Variants in PBK observed in about 807,000 individuals in gnomAD.
PBK encodes PDZ binding kinase.
PBK carries 22 observed loss-of-function variants against 33.5 expected under a neutral mutation model. The observed-to-expected ratio is 0.66, with a 90% CI of 0.47 to 0.94. PBK has a LOEUF of 0.94. PBK is among the 40% of genes least tolerant of loss of function. The pLI, the probability that PBK is intolerant of heterozygous loss-of-function variation, is 0.00. For missense variants in PBK, 376 were observed against 383.4 expected (o/e 0.98, Z 0.16); for synonymous variants, 129 against 123.8 (o/e 1.04, Z -0.28).
At chr8:27,829,094 G>A (rs922856024) in intron 2 of PBK, among the ~76,000 whole-genome samples, 2 of 38,830 alleles carry the variant, frequency 5.2e-5, no homozygotes, top group Admixed American at 4.2e-4. Flanking sequence ...AATTTGTGGA[G>A]CAGAGAACTA....
chr8:27,832,418 A>G (rs1806147652), intron 2 of PBK, among the ~76,000 whole-genome samples: 1 of 152,204 alleles, frequency 6.6e-6, no homozygotes, highest in Admixed American at 6.5e-5. Context: ...AAAAAAAGTA[A>G]AAGAAACAAA....
At chr8:27,826,078 G>C (rs954132328) in intron 3 of PBK, among the ~76,000 whole-genome samples, 9 of 152,152 alleles carry the variant, frequency 5.9e-5, no homozygotes, top group Admixed American at 4.6e-4. Flanking sequence ...CAGGACAGTG[G>C]GGGGGACAGA....
intron 1 of PBK, among the ~76,000 whole-genome samples, chr8:27,836,377 G>T (rs1221000491): frequency 2.0e-5 from 3 of 151,918 alleles, no homozygotes; most frequent in Admixed American, 6.6e-5. Flanking sequence ...CAAGATTTCA[G>T]CTTGTACTGA....
intron 6 of PBK, among the ~76,000 whole-genome samples, chr8:27,820,363 T>TAATA (rs762700770): frequency 5.3e-5 from 8 of 152,114 alleles, no homozygotes; most frequent in Non-Finnish European, 1.0e-4. Flanking sequence ...ATACTACTAC[T>TAATA]AATAATAATA....
chr8:27,822,234 T>C (rs1446019069), intron 5 of PBK, 85 bp downstream of exon 5: 9 of 1,017,416 alleles, frequency 8.8e-6, no homozygotes, highest in Non-Finnish European at 1.3e-5. Context: ...CCATCCACAT[T>C]CAAAGATGTC....
intron 2 of PBK, among the ~76,000 whole-genome samples, chr8:27,831,100 T>G (rs1806120885): frequency 6.6e-6 from 1 of 152,172 alleles, no homozygotes; most frequent in African/African-American, 2.4e-5. Flanking sequence ...GAATGTTGCA[T>G]GCACTTGAAA....
At chr8:27,826,262 C>T (rs1161065211) in intron 3 of PBK, among the ~76,000 whole-genome samples, 1 of 152,056 alleles carries the variant, frequency 6.6e-6, no homozygotes, top group Non-Finnish European at 1.5e-5. Context: ...AAGGGCCATT[C>T]AAGTATGAGT....
At position 27,823,162 on chromosome 8, in the gene PBK, T is replaced by C; in HGVS notation, c.196A>G (p.Ile66Val). 2 of 1,556,858 alleles carry C rather than the reference T, an allele frequency of 1.3e-6. No homozygotes were observed. Among genetic ancestry groups the C allele is most frequent in the Non-Finnish European group, 1.8e-6 (2 of 1,131,224 alleles). Reference protein sequence around the residue: ...LSHSPWAVKKINPICNDHYRS... With the variant: ...LSHSPWAVKKVNPICNDHYRS... Reference sequence around the variant, plus strand: ...TAATGATCATTACATATAGGATTAATCTTTTTTACAGCCCAAGGAGAATGA... The same window carrying C: ...TAATGATCATTACATATAGGATTAACCTTTTTTACAGCCCAAGGAGAATGA... Residue 66 changes from isoleucine to valine, a missense_variant, in exon 4 of 8, where the codon ATT becomes GTT. Coordinates refer to ENST00000301905, the MANE Select transcript of PBK (RefSeq NM_018492.4).
intron 3 of PBK, among the ~76,000 whole-genome samples, chr8:27,825,257 T>C (rs981324127): frequency 6.6e-6 from 1 of 152,054 alleles, no homozygotes; most frequent in Non-Finnish European, 1.5e-5. Context: ...CTGGGCAATA[T>C]AGTGAGACCC....
intron 6 of PBK, among the ~76,000 whole-genome samples, chr8:27,817,404 G>A (rs1452447518): frequency 6.6e-6 from 1 of 151,978 alleles, no homozygotes; most frequent in Non-Finnish European, 1.5e-5. Context: ...CCTTTCAGAC[G>A]ACAGTTTGGA....
rs1164921795 is a variant in PBK at position 27,810,198 on chromosome 8, T to C, written c.*107A>G. ...TCCATATGTTAACAAGAAACTATGG[T>C]CCTCAAATATGCCAATTTTAGAGTC... On this transcript the variant is annotated 3_prime_UTR_variant, in exon 8 of 8. Coordinates refer to ENST00000301905, the MANE Select transcript of PBK (RefSeq NM_018492.4). 1.2e-5 allele frequency: 9 copies of C among 729,924 alleles called. No individual in the cohort carries two copies. The highest frequency in any genetic ancestry group is 2.1e-5 in the Non-Finnish European group (9 of 419,838). 45.2% of individuals were successfully genotyped at this position (729,924 alleles called of 1,614,324 possible).
intron 6 of PBK, among the ~76,000 whole-genome samples, chr8:27,813,895 T>C (rs1292290941): frequency 6.6e-6 from 1 of 151,838 alleles, no homozygotes; most frequent in African/African-American, 2.4e-5. Context: ...GTGAAGGATA[T>C]TGGACTATGA....
intron 6 of PBK, among the ~76,000 whole-genome samples, chr8:27,812,959 C>G (rs192471865): frequency 2.0e-5 from 3 of 152,188 alleles, no homozygotes; most frequent in African/African-American, 7.2e-5. Context: ...ACCCAGCAAT[C>G]CCATTACTGG....
chr8:27,828,111 A>G lies in PBK; in HGVS notation c.146T>C (p.Met49Thr), dbSNP rs756678174. The G allele has an allele frequency of 6.9e-7, 1 of 1,451,716 alleles. No homozygotes were observed. Among genetic ancestry groups the G allele is most frequent in the Non-Finnish European group, 9.7e-7 (1 of 1,035,234 alleles). The allele number at this position is 1,451,716 out of a possible 1,614,324, so 89.9% of individuals were successfully genotyped here. Residue 49 changes from methionine to threonine, a missense_variant, in exon 3 of 8, where the codon ATG becomes ACG. Transcript: ENST00000301905. ...TCTGAAATCTTATACTTACCTTTTC[A>G]TTAGGTACACATTTACCCCAGTACC... ...GFGTGVNVYL[M>T]KRSPRGLSHS...
intron 5 of PBK, among the ~76,000 whole-genome samples, chr8:27,821,692 CAA>C (rs992683428): frequency 9.9e-5 from 15 of 152,226 alleles, no homozygotes; most frequent in African/African-American, 3.6e-4. Context: ...CTGCAGATTT[CAA>C]AAGATACCAC....
chr8:27,820,792 A>T, intron 5 of PBK, 98 bp from the exon 6 acceptor site: 2 of 638,708 alleles, frequency 3.1e-6, no homozygotes, highest in Non-Finnish European at 2.6e-6. Context: ...CCCTTCCTAA[A>T]CTCTAGGTTT....
At chr8:27,825,753 T>G (rs577670793) in intron 3 of PBK, among the ~76,000 whole-genome samples, 18 of 151,874 alleles carry the variant, frequency 1.2e-4, no homozygotes, top group Non-Finnish European at 2.6e-4. Context: ...AAAAAGATAA[T>G]TAATTAAAAA....
intron 3 of PBK, among the ~76,000 whole-genome samples, chr8:27,824,922 CA>C (rs999225573): frequency 2.0e-5 from 3 of 151,688 alleles, no homozygotes; most frequent in East Asian, 1.9e-4. Flanking sequence ...CTTGATTTAA[CA>C]AAAAAAATAT....
At chr8:27,836,925 G>A (rs1456972030) in intron 1 of PBK, among the ~76,000 whole-genome samples, 1 of 152,150 alleles carries the variant, frequency 6.6e-6, no homozygotes, top group African/African-American at 2.4e-5. Flanking sequence ...TCAGGTTTAG[G>A]CATTAACTGC....
Sources: gnomAD v4.1 joint callset for allele counts (sites outside exome capture counted in the v4.1 genomes callset) on GRCh38, gnomAD v4.1.1 for gene constraint, MANE v1.5 for transcripts, NCBI Gene and HGNC (gene_info 2026-07-23, HGNC 2026-07-21) for gene names.